Variants in EYA1 observed in about 807,000 individuals in gnomAD.
The protein encoded by EYA1 is protein phosphatase EYA1.
EYA1 carries 16 observed loss-of-function variants against 82.0 expected under a neutral mutation model. The observed-to-expected ratio is 0.20, with a 90% CI of 0.13 to 0.30. The LOEUF (loss-of-function observed/expected upper bound fraction) is 0.30. Ranked by LOEUF, EYA1 falls within the 10% of genes least tolerant of loss-of-function variation. EYA1 has a pLI of 1.00. For missense variants in EYA1, 633 were observed against 730.7 expected (o/e 0.87, Z 1.54); for synonymous variants, 261 against 264.4 (o/e 0.99, Z 0.12).
Position 71,238,869 on chromosome 8 carries a change from T to C in EYA1, c.1140+5734A>G, listed in dbSNP as rs1199446056. 3.9e-5 allele frequency among the ~76,000 whole-genome samples: 6 copies of C among 152,212 alleles called. No individual in the cohort carries two copies. In the East Asian group the frequency reaches 1.2e-3, roughly 29 times the overall value. On this transcript the variant is annotated intron_variant, in intron 12 of 17. Transcript: ENST00000340726. ...GAAGGCATTCTTATCTTGTTTTTAC[T>C]TGTAATGACAGTTTGCTTCCAGTAT... is the stretch of plus-strand genomic sequence containing the variant.
chr8:71,311,641 A>G (rs1821354746), intron 7 of EYA1, among the ~76,000 whole-genome samples: 1 of 152,248 alleles, frequency 6.6e-6, no homozygotes, highest in South Asian at 2.1e-4. Flanking sequence ...TCAAAAATGA[A>G]TAAGCAAAGA....
chr8:71,545,542 C>T (rs1485744714), intron 1 of EYA1, among the ~76,000 whole-genome samples: 2 of 144,736 alleles, frequency 1.4e-5, no homozygotes, highest in South Asian at 2.3e-4. Flanking sequence ...TTTTTTTCAT[C>T]GTTCTTATTT....
At chr8:71,311,225 T>A (rs910162806) in intron 7 of EYA1, among the ~76,000 whole-genome samples, 8 of 152,324 alleles carry the variant, frequency 5.3e-5, no homozygotes, top group African/African-American at 1.9e-4. Flanking sequence ...CCTTGCATTT[T>A]TAAAGGTTTG....
At chr8:71,496,168 A>G (rs1214663223) in intron 2 of EYA1, among the ~76,000 whole-genome samples, 1 of 152,226 alleles carries the variant, frequency 6.6e-6, no homozygotes, top group Non-Finnish European at 1.5e-5. Context: ...AAAAATGTAG[A>G]GGCAAGTCTG....
At chr8:71,457,534 G>T (rs1808035001) in intron 2 of EYA1, among the ~76,000 whole-genome samples, 1 of 152,128 alleles carries the variant, frequency 6.6e-6, no homozygotes, top group Non-Finnish European at 1.5e-5. Flanking sequence ...ATGACAGACT[G>T]GATTAAGAAA....
Position 71,247,147 on chromosome 8 carries a change from C to G in EYA1, c.1051-2455G>C, listed in dbSNP as rs138464158. 1.4e-4 allele frequency among the ~76,000 whole-genome samples: 21 copies of G among 151,548 alleles called. No individual in the cohort carries two copies. In the South Asian group the frequency reaches 3.6e-3, roughly 26 times the overall value. On this transcript the variant is annotated intron_variant, in intron 11 of 17. Coordinates refer to ENST00000340726, the MANE Select transcript of EYA1 (RefSeq NM_000503.6). ...CACTTCCCTCTAGCACCTCTCACCCCCTTAGCACTACCCACACCCTTCCAG... is the reference window on the plus strand; with the variant it reads ...CACTTCCCTCTAGCACCTCTCACCCGCTTAGCACTACCCACACCCTTCCAG...
rs1586810361 is a variant in EYA1, at chr8:71,485,139, T to C, written c.33+50605A>G. 3.9e-5 allele frequency among the ~76,000 whole-genome samples: 6 copies of C among 152,364 alleles called. 1 individual carries two copies. The highest frequency in any genetic ancestry group is 3.9e-4 in the Admixed American group (6 of 15,310). On this transcript the variant is annotated intron_variant, in intron 2 of 18. Transcript: ENST00000643681. Reference sequence around the variant, plus strand: ...TATGTTAAAGTTTGTGATTTATTGTTGTGAATAAAAGTAGATAGGAAAATG... The same window carrying C: ...TATGTTAAAGTTTGTGATTTATTGTCGTGAATAAAAGTAGATAGGAAAATG...
chr8:71,328,661 A>C (rs1361559412), intron 4 of EYA1, among the ~76,000 whole-genome samples: 2 of 152,100 alleles, frequency 1.3e-5, no homozygotes, highest in African/African-American at 4.8e-5. Context: ...CTCTCCCATA[A>C]AAATCTTTCT....
In EYA1 at chr8:71,321,904, T is replaced by C. The variant is rs780473803; in HGVS notation, c.273-25A>G. 6.2e-6 allele frequency: 10 copies of C among 1,614,076 alleles called. 1 individual carries two copies. The South Asian group carries it at 1.1e-4, about 18-fold the overall frequency. On this transcript the variant is annotated intron_variant, in intron 5 of 17. Transcript: ENST00000340726. ...GCTATTTGTCAGAAATGACAGAAAA[T>C]AGAAAGCCCATGCATTAGATGGAAA...
intron 2 of EYA1, among the ~76,000 whole-genome samples, chr8:71,423,962 T>G (rs1430855092): frequency 6.6e-6 from 1 of 152,252 alleles, no homozygotes; most frequent in Non-Finnish European, 1.5e-5. Flanking sequence ...TGTTAATGCT[T>G]CTATTTATTT....
At chr8:71,355,445 A>T (rs2129070536) in intron 2 of EYA1, among the ~76,000 whole-genome samples, 1 of 152,314 alleles carries the variant, frequency 6.6e-6, no homozygotes, top group Non-Finnish European at 1.5e-5. Context: ...CCTATAGTCT[A>T]GTGACAGGGA....
chr8:71,448,404 AGC>A (rs1807072785), intron 2 of EYA1, among the ~76,000 whole-genome samples: 1 of 152,210 alleles, frequency 6.6e-6, no homozygotes, highest in Non-Finnish European at 1.5e-5. Context: ...GTAAGATTGT[AGC>A]AACTCAGTCA....
At chr8:71,490,931 T>C (rs1384196298) in intron 2 of EYA1, among the ~76,000 whole-genome samples, 1 of 152,186 alleles carries the variant, frequency 6.6e-6, no homozygotes, top group Non-Finnish European at 1.5e-5. Flanking sequence ...GCTACTTCAA[T>C]TGGATACACT....
At chr8:71,433,502 C>A (rs1424751164) in intron 2 of EYA1, among the ~76,000 whole-genome samples, 1 of 152,112 alleles carries the variant, frequency 6.6e-6, no homozygotes. Context: ...CATAGTTTCC[C>A]GGGAGAGCTT....
At chr8:71,533,573 G>A (rs544610375) in intron 2 of EYA1, among the ~76,000 whole-genome samples, 20 of 152,292 alleles carry the variant, frequency 1.3e-4, no homozygotes, top group African/African-American at 4.6e-4. Context: ...GAGTACAGTA[G>A]CGCAACCACC....
intron 2 of EYA1, among the ~76,000 whole-genome samples, chr8:71,386,695 A>T (rs1452464175): frequency 6.6e-6 from 1 of 152,180 alleles, no homozygotes; most frequent in Non-Finnish European, 1.5e-5. Flanking sequence ...CAAATTTAGG[A>T]AAAAAACAGG....
At chr8:71,438,371 TA>T (rs2129168087) in intron 2 of EYA1, among the ~76,000 whole-genome samples, 1 of 151,210 alleles carries the variant, frequency 6.6e-6, no homozygotes, top group Admixed American at 6.6e-5. Context: ...TATATTTATA[TA>T]TAATAAATAA....
chr8:71,327,414 C>G (rs981157426), intron 4 of EYA1, among the ~76,000 whole-genome samples: 1 of 152,186 alleles, frequency 6.6e-6, no homozygotes, highest in African/African-American at 2.4e-5. Flanking sequence ...GTTTACTTAA[C>G]AACTTAACAA....
At chr8:71,334,376 TTG>T (rs1289959005) in intron 3 of EYA1, 1 of 637,086 alleles carries the variant, frequency 1.6e-6, no homozygotes, top group East Asian at 2.9e-5. Context: ...AAACAATCTA[TTG>T]TCACAAGTTA....
Sources: gnomAD v4.1 joint callset for allele counts (sites outside exome capture counted in the v4.1 genomes callset) on GRCh38, gnomAD v4.1.1 for gene constraint, MANE v1.5 for transcripts, NCBI Gene and HGNC (gene_info 2026-07-23, HGNC 2026-07-21) for gene names.